AIDA: variants seen among roughly 807,000 people sequenced by gnomAD.
AIDA encodes axin interactor, dorsalization-associated protein.
A neutral mutation model predicts 42.7 loss-of-function variants in AIDA; 18 were observed. The observed-to-expected ratio is 0.42, with a 90% CI of 0.29 to 0.63. The LOEUF is 0.63. Among genes scored for constraint, AIDA ranks in the 20% least tolerant of loss-of-function variants. The pLI, the probability that AIDA is intolerant of heterozygous loss-of-function variation, is 0.19. For missense variants in AIDA, 250 were observed against 354.1 expected (o/e 0.71, Z 2.36); for synonymous variants, 104 against 122.9 (o/e 0.85, Z 1.02).
rs1664424896 is a variant in AIDA at position 222,670,379 on chromosome 1, G to A, written c.707-129C>T. On this transcript the variant is annotated intron_variant, in intron 8 of 9. Transcript: ENST00000340020. ...TAATTTGACAAAACAACTTGTGCCA[G>A]TCTCAATGATTTGACAGTAACTTAC... 4 of 710,072 alleles carry A rather than the reference G, an allele frequency of 5.6e-6. No individual in the cohort carries two copies. The South Asian group carries it at 7.5e-5, about 13-fold the overall frequency. The allele number at this position is 710,072 out of a possible 1,614,324, so 44.0% of individuals were successfully genotyped here.
chr1:222,677,357 T>C (rs769178063), intron 6 of AIDA, among the ~76,000 whole-genome samples: 2 of 152,216 alleles, frequency 1.3e-5, no homozygotes, highest in Non-Finnish European at 2.9e-5. Context: ...ATTCATAACA[T>C]CTGCAAATAA....
Position 222,670,214 on chromosome 1 carries a change from G to C in AIDA, c.743C>G (p.Pro248Arg). The C allele has an allele frequency of 6.2e-7, 1 of 1,613,936 alleles. No individual in the cohort carries two copies. ...AIFFEFKHYK[P>R]KKRFTSTKCF... Reference sequence around the variant, plus strand: ...CTTGGTGCTGGTAAACCTTTTTTTAGGCTTGTAGTGTTTGAATTCAAAGAA... The same window carrying C: ...CTTGGTGCTGGTAAACCTTTTTTTACGCTTGTAGTGTTTGAATTCAAAGAA... Residue 248 changes from proline (P) to arginine (R), a missense_variant, in exon 9 of 10, where the codon CCT (proline) becomes CGT (arginine). Physicochemically the swap from Pro to Arg is moderately radical, Grantham distance 103. Transcript: ENST00000340020.
At chr1:222,674,687 T>C (rs1391558) in intron 7 of AIDA, among the ~76,000 whole-genome samples, 29,047 of 152,150 alleles carry the variant, frequency 0.19, 3,071 homozygotes, top group Admixed American at 0.32. Context: ...AGTTATTGTG[T>C]ATGGTTTTAA....
intron 8 of AIDA, among the ~76,000 whole-genome samples, chr1:222,672,663 T>C (rs989099050): frequency 2.6e-5 from 4 of 152,178 alleles, no homozygotes; most frequent in African/African-American, 9.7e-5. Flanking sequence ...ACTTGAGAAG[T>C]GAAATATCGA....
intron 2 of AIDA, among the ~76,000 whole-genome samples, chr1:222,700,511 A>C (rs1161890836): frequency 1.3e-5 from 2 of 151,928 alleles, no homozygotes; most frequent in Non-Finnish European, 2.9e-5. Flanking sequence ...TAATCCCAGC[A>C]CTCTGGGAGG....
Position 222,676,164 on chromosome 1 carries a change from C to A in AIDA, c.515G>T (p.Arg172Ile). 6.2e-7 allele frequency: 1 copy of A among 1,613,210 alleles called. No homozygotes were observed. The highest frequency in any genetic ancestry group is 1.1e-5 in the South Asian group (1 of 90,854). Residue 172 changes from arginine to isoleucine, a missense_variant, in exon 7 of 10, where the codon AGA (arginine) becomes ATA (isoleucine). By Grantham distance (97) the Arg-to-Ile change is moderately conservative. Around this residue, in one of 4 missense-constraint regions of AIDA, gnomAD observed 199 missense variants for 232.6 expected, o/e 0.86. Coordinates refer to ENST00000340020, the MANE Select transcript of AIDA (RefSeq NM_022831.4). ...ATCTTTCAAACCAATTTTCTCAATT[C>A]TGATAGTGAGTAATGTCATTCCTGG... The part of the protein sequence containing the change: ...SEPGMTLLTI[R>I]IEKIGLKDAG...
intron 4 of AIDA, among the ~76,000 whole-genome samples, chr1:222,693,454 TAAATGGG>T (rs1655429206): frequency 6.6e-6 from 1 of 152,200 alleles, no homozygotes; most frequent in Admixed American, 6.5e-5. Flanking sequence ...ACATGTAGTG[TAAATGGG>T]AATCAATGAC....
At chr1:222,708,431 G>C (rs113197525) in intron 1 of AIDA, among the ~76,000 whole-genome samples, 5,622 of 149,354 alleles carry the variant, frequency 0.038, 143 homozygotes, top group East Asian at 0.14. Flanking sequence ...GCAGTGGCAC[G>C]ATCTCCCCTC....
In AIDA at chr1:222,708,932, C is replaced by T. The variant is rs149174002; in HGVS notation, c.110+3276G>A. Among the ~76,000 whole-genome samples, 21 of 152,290 alleles carry T rather than the reference C, an allele frequency of 1.4e-4. No individual in the cohort carries two copies. In the East Asian group the frequency reaches 3.3e-3, roughly 24 times the overall value. ...TGCTCCCATAGCATACTCCTAAATT[C>T]ATCCATTCAATAGAATAATTACATA... On this transcript the variant is annotated intron_variant, in intron 1 of 9. Transcript: ENST00000340020.
At position 222,687,673 on chromosome 1, in the gene AIDA, TAAAG is replaced by T. The variant is rs775767459; in HGVS notation, c.290-19_290-16del. 1.5e-5 allele frequency: 21 copies of T among 1,446,868 alleles called. No individual in the cohort carries two copies. The highest frequency in any genetic ancestry group is 6.5e-5 in the South Asian group (5 of 77,184). The allele number at this position is 1,446,868 out of a possible 1,614,324, so 89.6% of individuals were successfully genotyped here. Reference sequence around the variant, plus strand: ...ATTCTTTAGGACTAGAATAAGAAGATAAAGAAACATGAATTCTTCCATGAAGCAA... The same window carrying T: ...ATTCTTTAGGACTAGAATAAGAAGATAAACATGAATTCTTCCATGAAGCAA... On this transcript the variant is annotated splice_polypyrimidine_tract_variant and intron_variant, in intron 4 of 9. Transcript: ENST00000340020.
chr1:222,679,629 A>C (rs1197832656), intron 6 of AIDA, among the ~76,000 whole-genome samples: 1 of 152,216 alleles, frequency 6.6e-6, no homozygotes, highest in Non-Finnish European at 1.5e-5. Flanking sequence ...TTTTTTCAGA[A>C]GTGAAAACTA....
intron 1 of AIDA, among the ~76,000 whole-genome samples, chr1:222,707,299 A>G (rs1655867657): frequency 6.6e-6 from 1 of 152,060 alleles, no homozygotes; most frequent in African/African-American, 2.4e-5. Context: ...CTGAGACCAC[A>G]GGCGTGTACC....
intron 2 of AIDA, among the ~76,000 whole-genome samples, chr1:222,701,536 T>G (rs1163766354): frequency 6.6e-6 from 1 of 152,150 alleles, no homozygotes; most frequent in Non-Finnish European, 1.5e-5. Flanking sequence ...CCCAATTCTG[T>G]GATGCCAGCT....
At chr1:222,697,222 C>T (rs1040044531) in intron 2 of AIDA, among the ~76,000 whole-genome samples, 1 of 151,760 alleles carries the variant, frequency 6.6e-6, no homozygotes, top group African/African-American at 2.4e-5. Flanking sequence ...GGATTACAGG[C>T]ATGAGCCACT....
At chr1:222,672,942 T>A (rs61824287) in intron 8 of AIDA, among the ~76,000 whole-genome samples, 2,029 of 152,340 alleles carry the variant, frequency 0.013, 20 homozygotes, top group Non-Finnish European at 0.02. Flanking sequence ...GTTATCGTTC[T>A]ACCAAACTAG....
intron 4 of AIDA, among the ~76,000 whole-genome samples, chr1:222,691,680 T>A (rs1053372571): frequency 6.6e-6 from 1 of 152,126 alleles, no homozygotes; most frequent in East Asian, 1.9e-4. Context: ...TATCAATTAA[T>A]CACTAACATA....
chr1:222,683,051 T>A (rs985678113), intron 6 of AIDA, among the ~76,000 whole-genome samples: 1 of 152,326 alleles, frequency 6.6e-6, no homozygotes, highest in East Asian at 1.9e-4. Flanking sequence ...GGAACATGGG[T>A]TCCTCAAGCT....
rs1226489239 is a variant in AIDA, at chr1:222,669,898, C to T, written c.916G>A (p.Glu306Lys). The T allele has an allele frequency of 1.9e-6, 3 of 1,610,366 alleles. No individual in the cohort carries two copies. Among genetic ancestry groups the T allele is most frequent in the Admixed American group, 3.3e-5 (2 of 59,906 alleles). Reference protein sequence around the residue: ...YLHLHQTLHKE With the variant: ...YLHLHQTLHKK Reference sequence around the variant, plus strand: ...CCAGGTTCATCATGTCAGGATCATTCCTTGTGCAAAGTTTGATGTAGATGA... The same window carrying T: ...CCAGGTTCATCATGTCAGGATCATTTCTTGTGCAAAGTTTGATGTAGATGA... The change falls in exon 10 of 10, where the codon GAA (glutamate) becomes AAA (lysine). Residue 306 changes from glutamate (E) to lysine (K), a missense_variant. By Grantham distance (56) the Glu-to-Lys change is moderately conservative. Around this residue, in one of 4 missense-constraint regions of AIDA, gnomAD observed 35 missense variants for 75.9 expected, o/e 0.46. Coordinates refer to ENST00000340020, the MANE Select transcript of AIDA (RefSeq NM_022831.4).
chr1:222,694,941 G>T (rs1655473655), intron 2 of AIDA, among the ~76,000 whole-genome samples: 1 of 152,160 alleles, frequency 6.6e-6, no homozygotes, highest in African/African-American at 2.4e-5. Context: ...AACAGAACAA[G>T]ATCTGTATTA....
Sources: gnomAD v4.1 joint callset for allele counts (sites outside exome capture counted in the v4.1 genomes callset) on GRCh38, gnomAD v4.1.1 for gene constraint, gnomAD v4.1.1 regional missense constraint, MANE v1.5 for transcripts, NCBI Gene and HGNC (gene_info 2026-07-23, HGNC 2026-07-21) for gene names.